NPAS3: variants seen among roughly 807,000 people sequenced by gnomAD.
The protein encoded by NPAS3 is neuronal PAS domain protein 3.
Under a neutral mutation model 73.1 loss-of-function variants are expected in NPAS3, and 14 were observed. The ratio of observed to expected loss-of-function variants is 0.19; its 90% confidence interval spans 0.13 to 0.30. The LOEUF (loss-of-function observed/expected upper bound fraction) is 0.30, where lower values mean the gene tolerates loss of function less well. Ranked by LOEUF, NPAS3 falls within the 10% of genes least tolerant of loss-of-function variation. The pLI is 1.00. For synonymous variants in NPAS3, 620 were observed against 541.5 expected (o/e 1.14, Z -2.01); for missense variants, 1,096 against 1,250.0 (o/e 0.88, Z 1.86).
At chr14:33,134,898 G>T (rs1405591087) in intron 2 of NPAS3, among the ~76,000 whole-genome samples, 2 of 151,788 alleles carry the variant, frequency 1.3e-5, no homozygotes, top group Non-Finnish European at 2.9e-5. Context: ...TAAAGGAGAG[G>T]CATTCACAGG....
chr14:33,053,391 T>C (rs1319131755), intron 1 of NPAS3, among the ~76,000 whole-genome samples: 1 of 152,208 alleles, frequency 6.6e-6, no homozygotes, highest in Non-Finnish European at 1.5e-5. Context: ...GTTTCACATG[T>C]ATGTAAATGC....
chr14:33,511,061 G>C (rs925189799), intron 4 of NPAS3, among the ~76,000 whole-genome samples: 2 of 152,036 alleles, frequency 1.3e-5, no homozygotes, highest in African/African-American at 4.8e-5. Flanking sequence ...GAAACTCCTA[G>C]TTTCATAGTT....
intron 5 of NPAS3, among the ~76,000 whole-genome samples, chr14:33,616,489 T>C (rs1226013949): frequency 2.0e-5 from 3 of 152,074 alleles, no homozygotes; most frequent in African/African-American, 7.2e-5. Flanking sequence ...CCAGTGCCCG[T>C]CTCGGCAGCT....
At chr14:33,664,025 C>T (rs750988139) in intron 5 of NPAS3, among the ~76,000 whole-genome samples, 7 of 151,276 alleles carry the variant, frequency 4.6e-5, no homozygotes, top group East Asian at 1.9e-4. Context: ...AAGGGGTTTT[C>T]GTGTCTCTAT....
rs770300026 is a variant in NPAS3, at chr14:33,800,545, G to T, written c.2238G>T (p.Pro746=). Reference sequence around the variant, plus strand: ...CCCTGGCCCCCGTCGCCTCCGACCCGCTGTCACCCCCGCTCTCGGCGTCCC... The same window carrying T: ...CCCTGGCCCCCGTCGCCTCCGACCCTCTGTCACCCCCGCTCTCGGCGTCCC... The change falls in exon 12 of 12, where the codon CCG becomes CCT. Residue 746 remains proline, a synonymous_variant. Coordinates refer to ENST00000356141, the Ensembl canonical transcript of NPAS3. This position sits in a 1 kb window ranked among gnomAD's most constrained non-coding sequence, Gnocchi z 6.5. 1.6e-5 allele frequency: 22 copies of T among 1,353,240 alleles called. No homozygotes were observed. In the South Asian group the frequency reaches 3.9e-4, roughly 24 times the overall value. The allele number at this position is 1,353,240 out of a possible 1,614,324, so 83.8% of individuals were successfully genotyped here. A position where few individuals can be genotyped will look rare whatever the true frequency, so the allele number is the denominator to read the frequency against.
chr14:33,800,461 G>T lies in NPAS3; in HGVS notation c.2154G>T (p.Pro718=), dbSNP rs543132820. ...CCATTCCCGACTCGGTCCTCACCCC[G>T]CCCGGCGCCGACGGCGCGGCCGCCC... The change falls in exon 12 of 12, where the codon CCG becomes CCT. Residue 718 remains proline (P), a synonymous_variant. Coordinates refer to ENST00000356141, the Ensembl canonical transcript of NPAS3. This position sits in a 1 kb window ranked among gnomAD's most constrained non-coding sequence, Gnocchi z 6.5. 4 of 1,510,174 alleles carry T rather than the reference G, an allele frequency of 2.6e-6. No individual in the cohort carries two copies. Among genetic ancestry groups the T allele is most frequent in the African/African-American group, 2.9e-5 (2 of 69,080 alleles). 93.5% of individuals were successfully genotyped at this position (1,510,174 alleles called of 1,614,324 possible).
intron 5 of NPAS3, among the ~76,000 whole-genome samples, chr14:33,626,153 G>A (rs935362661): frequency 6.6e-6 from 1 of 152,180 alleles, no homozygotes; most frequent in African/African-American, 2.4e-5. Context: ...TCATGTCTGT[G>A]TCTATGCTGA....
intron 2 of NPAS3, among the ~76,000 whole-genome samples, chr14:33,110,022 G>A (rs768896080): frequency 2.2e-4 from 33 of 151,640 alleles, no homozygotes; most frequent in Non-Finnish European, 4.0e-4. Context: ...TTCCTTATAC[G>A]AAGGCTATTT....
chr14:33,570,793 C>T (rs943581596), intron 5 of NPAS3, among the ~76,000 whole-genome samples: 2 of 152,174 alleles, frequency 1.3e-5, no homozygotes, highest in African/African-American at 4.8e-5. Context: ...CTTTCATTAT[C>T]ACTTAGAACA....
chr14:32,992,936 C>T (rs969045799), intron 1 of NPAS3, among the ~76,000 whole-genome samples: 1 of 152,056 alleles, frequency 6.6e-6, no homozygotes, highest in African/African-American at 2.4e-5. Flanking sequence ...AGGTGAATCA[C>T]CTGAGGTCAG....
At chr14:33,217,454 A>G (rs2047267113) in intron 3 of NPAS3, among the ~76,000 whole-genome samples, 1 of 152,208 alleles carries the variant, frequency 6.6e-6, no homozygotes, top group Admixed American at 6.6e-5. Flanking sequence ...AGATGAAAGG[A>G]TGAGGGTAAC....
At chr14:33,249,383 T>G in intron 3 of NPAS3, among the ~76,000 whole-genome samples, 1 of 151,254 alleles carries the variant, frequency 6.6e-6, no homozygotes, top group African/African-American at 2.4e-5. Context: ...CAGTCTCATC[T>G]GAAATGTGGA....
chr14:33,163,252 C>T (rs1045083638), intron 2 of NPAS3, among the ~76,000 whole-genome samples: 1 of 152,228 alleles, frequency 6.6e-6, no homozygotes, highest in African/African-American at 2.4e-5. Flanking sequence ...CCATTGACGA[C>T]CCTCTGAGTA....
At chr14:33,072,169 G>A (rs1052070715) in intron 2 of NPAS3, among the ~76,000 whole-genome samples, 2 of 152,146 alleles carry the variant, frequency 1.3e-5, no homozygotes, top group Admixed American at 1.3e-4. Context: ...GGGATTACAG[G>A]CGTGAGCCAC....
chr14:33,146,780 T>G (rs1433399449), intron 2 of NPAS3, among the ~76,000 whole-genome samples: 1 of 152,176 alleles, frequency 6.6e-6, no homozygotes, highest in African/African-American at 2.4e-5. Context: ...AAATGGATAA[T>G]GTCTAAGATA....
chr14:32,978,891 C>G (rs1323699947), intron 1 of NPAS3, among the ~76,000 whole-genome samples: 5 of 152,052 alleles, frequency 3.3e-5, no homozygotes, highest in African/African-American at 9.7e-5. Flanking sequence ...AAGGTGACAC[C>G]CTTTGAAGAT....
rs528140455 is a variant in NPAS3, at chr14:33,677,126, T to A, written c.733+741T>A. 4.6e-5 allele frequency among the ~76,000 whole-genome samples: 7 copies of A among 152,328 alleles called. No individual in the cohort carries two copies. The East Asian group carries it at 1.3e-3, about 29-fold the overall frequency. On this transcript the variant is annotated intron_variant, in intron 6 of 11. Transcript: ENST00000356141. ...TCAGTCCCCTAGTTCATCAAGCTGT[T>A]CAAACACGGGGAAGATTGGCTGGTC...
chr14:32,954,670 C>T (rs151127444), intron 1 of NPAS3, among the ~76,000 whole-genome samples: 79 of 152,240 alleles, frequency 5.2e-4, no homozygotes, highest in Admixed American at 2.4e-3. Context: ...GTCTAGCTGA[C>T]CCTATAGCTC....
At chr14:33,410,388 C>A (rs1464056155) in intron 4 of NPAS3, among the ~76,000 whole-genome samples, 3 of 152,178 alleles carry the variant, frequency 2.0e-5, no homozygotes, top group Non-Finnish European at 2.9e-5. Context: ...CCTTCACACT[C>A]AGAAGATTGC....
Sources: allele counts gnomAD v4.1 joint callset (sites outside exome capture counted in the v4.1 genomes callset), GRCh38; gene constraint gnomAD v4.1.1; non-coding constraint Gnocchi (gnomAD v3.1); transcripts MANE v1.5; gene names NCBI Gene and HGNC (gene_info 2026-07-23, HGNC 2026-07-21).